Variants in KRT23 observed in about 807,000 individuals in gnomAD.
KRT23 encodes keratin 23.
Under a neutral mutation model 47.6 loss-of-function variants are expected in KRT23, and 38 were observed. That is an observed-to-expected ratio of 0.80 (90% CI 0.62 to 1.05). The LOEUF is 1.05. KRT23 is among the 50% of genes least tolerant of loss of function. The probability of loss-of-function intolerance (pLI) is 0.00; values close to 1 mark genes in which losing one functional copy is unlikely to be tolerated. For missense variants in KRT23, 503 were observed against 529.5 expected (o/e 0.95, Z 0.49); for synonymous variants, 191 against 199.0 (o/e 0.96, Z 0.34).
In KRT23 at chr17:40,922,793, C is replaced by G. The variant is rs1037413125; in HGVS notation, c.*196G>C. On this transcript the variant is annotated 3_prime_UTR_variant, in exon 9 of 9. Coordinates refer to ENST00000209718, the MANE Select transcript of KRT23 (RefSeq NM_015515.5). ...AAGTAGAGCTTTACCCTCATAAACTCGCACTTTGATTAGAAAAGTGCAATA... is the reference window on the plus strand; with the variant it reads ...AAGTAGAGCTTTACCCTCATAAACTGGCACTTTGATTAGAAAAGTGCAATA... 15 of 486,104 alleles carry G rather than the reference C, an allele frequency of 3.1e-5. No homozygotes were observed. In the Admixed American group the frequency reaches 5.6e-4, roughly 18 times the overall value. 30.1% of individuals were successfully genotyped at this position (486,104 alleles called of 1,614,324 possible).
rs541449842 is a variant in KRT23 at position 40,928,474 on chromosome 17, C to T, written c.770G>A (p.Arg257Gln). The change falls in exon 5 of 9, where the codon CGA becomes CAA. Residue 257 changes from arginine to glutamine, a missense_variant. By Grantham distance (43) the Arg-to-Gln change is conservative. Transcript: ENST00000209718. ...EYELIIKKKH[R>Q]DLDTWYKEQS... ...TTCTTTATACCAAGTGTCCAAGTCTCGATGCTTCTTCTTTATTATAAGCTC... is the reference window on the plus strand; with the variant it reads ...TTCTTTATACCAAGTGTCCAAGTCTTGATGCTTCTTCTTTATTATAAGCTC... 1.0e-4 allele frequency: 162 copies of T among 1,614,126 alleles called. 1 individual carries two copies. In the South Asian group the frequency reaches 1.7e-3, roughly 17 times the overall value.
intron 2 of KRT23, among the ~76,000 whole-genome samples, chr17:40,932,512 G>C (rs1909770024): frequency 6.6e-6 from 1 of 152,140 alleles, no homozygotes; most frequent in Non-Finnish European, 1.5e-5. Context: ...TTCTGGCTCT[G>C]TTCTTGACCA....
intron 6 of KRT23, among the ~76,000 whole-genome samples, chr17:40,927,032 A>G (rs1909265900): frequency 6.6e-6 from 1 of 152,104 alleles, no homozygotes; most frequent in Non-Finnish European, 1.5e-5. Context: ...CTCTTGGAAC[A>G]CATCCCATCA....
chr17:40,932,810 A>G (rs1909788522), intron 2 of KRT23, among the ~76,000 whole-genome samples: 1 of 152,238 alleles, frequency 6.6e-6, no homozygotes, highest in African/African-American at 2.4e-5. Flanking sequence ...ATTTGGTATC[A>G]TGAATGCACA....
chr17:40,937,587 G>A lies in KRT23; in HGVS notation c.-592C>T, dbSNP rs1910184117. ...ATGAATCTTATATTTCATCTGCCAA[G>A]GTAAAGGTTAGGAATGAATAAAGAA... On this transcript the variant is annotated 5_prime_UTR_variant, in exon 1 of 9. Coordinates refer to ENST00000209718, the MANE Select transcript of KRT23 (RefSeq NM_015515.5). 1 of 152,238 alleles carries A rather than the reference G, an allele frequency of 6.6e-6. No individual in the cohort carries two copies. The highest frequency in any genetic ancestry group is 2.4e-5 in the African/African-American group (1 of 41,456). 9.4% of individuals were successfully genotyped at this position (152,238 alleles called of 1,614,324 possible).
chr17:40,934,415 C>T (rs1234361564), intron 2 of KRT23, among the ~76,000 whole-genome samples: 1 of 152,188 alleles, frequency 6.6e-6, no homozygotes, highest in Middle Eastern at 3.2e-3. Flanking sequence ...GGGCAGGTTG[C>T]TCCCCACACC....
Position 40,936,823 on chromosome 17 carries a change from G to T in KRT23, c.-220C>A. 2.4e-6 allele frequency: 1 copy of T among 417,428 alleles called. No homozygotes were observed. 25.9% of individuals were successfully genotyped at this position (417,428 alleles called of 1,614,324 possible). A position where few individuals can be genotyped will look rare whatever the true frequency, so the allele number is the denominator to read the frequency against. On this transcript the variant is annotated 5_prime_UTR_variant, in exon 2 of 9. Transcript: ENST00000209718. ...CCTTCGCACACTGTTGTTGTTTAGA[G>T]CCACATCAATATGACAGTTTGCTTC...
At position 40,929,947 on chromosome 17, in the gene KRT23, T is replaced by C. The variant is rs563041037; in HGVS notation, c.629A>G (p.His210Arg). The change falls in exon 4 of 9, where the codon CAT (histidine) becomes CGT (arginine). Residue 210 changes from histidine to arginine, a missense_variant. By Grantham distance (29) the His-to-Arg change is conservative (BLOSUM62 0). Transcript: ENST00000209718. ...RKELILMKKH[H>R]EQEMEKHHVP... ...GTTCCTGGGGAGTTGTACCTGCTCA[T>C]GGTGCTTCTTCATGAGAATGAGCTC... 1 of 1,614,102 alleles carries C rather than the reference T, an allele frequency of 6.2e-7. No individual in the cohort carries two copies. Among genetic ancestry groups the C allele is most frequent in the African/African-American group, 1.3e-5 (1 of 75,058 alleles).
intron 6 of KRT23, among the ~76,000 whole-genome samples, chr17:40,927,670 G>T (rs927549519): frequency 5.3e-5 from 8 of 152,114 alleles, no homozygotes; most frequent in African/African-American, 1.9e-4. Flanking sequence ...GAAATGACTT[G>T]GACACAAGAA....
intron 4 of KRT23, among the ~76,000 whole-genome samples, chr17:40,929,417 A>G (rs1229701956): frequency 6.6e-6 from 1 of 152,248 alleles, no homozygotes; most frequent in South Asian, 2.1e-4. Flanking sequence ...TGATGTTGAG[A>G]AGCAATTTTG....
chr17:40,929,103 G>A (rs534703940), intron 4 of KRT23, among the ~76,000 whole-genome samples: 21 of 151,484 alleles, frequency 1.4e-4, no homozygotes, highest in African/African-American at 4.8e-4. Context: ...GACTTGATCC[G>A]TGGTTGAAAA....
At chr17:40,935,437 T>C (rs530231398) in intron 2 of KRT23, among the ~76,000 whole-genome samples, 1 of 152,306 alleles carries the variant, frequency 6.6e-6, no homozygotes, top group East Asian at 1.9e-4. Context: ...TTCTAGCTAA[T>C]GTTATGAGAC....
At chr17:40,928,130 G>A (rs893458885) in intron 6 of KRT23, 108 bp downstream of exon 6, 1 of 1,374,616 alleles carries the variant, frequency 7.3e-7, no homozygotes, top group East Asian at 2.3e-5. Flanking sequence ...AAAGTGGAAA[G>A]TGAGAGTTGT....
At chr17:40,926,656 C>T (rs566691890) in intron 6 of KRT23, among the ~76,000 whole-genome samples, 131 of 152,322 alleles carry the variant, frequency 8.6e-4, no homozygotes, top group African/African-American at 2.9e-3. Context: ...ATTATTCCCA[C>T]CAGCTTTCAA....
chr17:40,928,803 T>C (rs1252877526), intron 4 of KRT23, 196 bp from the exon 5 acceptor site: 5 of 533,642 alleles, frequency 9.4e-6, no homozygotes, highest in Non-Finnish European at 1.6e-5. Context: ...CTAATAATTT[T>C]ATAAAATAAA....
At chr17:40,934,091 T>C (rs1000453958) in intron 2 of KRT23, among the ~76,000 whole-genome samples, 2 of 152,232 alleles carry the variant, frequency 1.3e-5, no homozygotes, top group East Asian at 3.8e-4. Context: ...GCTCAACTTG[T>C]TATCAACCTT....
rs1342737717 is a variant in KRT23, at chr17:40,931,454, A to C, written c.398T>G (p.Ile133Arg). 8 of 1,612,450 alleles carry C rather than the reference A, an allele frequency of 5.0e-6. No individual in the cohort carries two copies. The highest frequency in any genetic ancestry group is 1.7e-5 in the Admixed American group (1 of 60,010). ...EENITHLQEQ[I>R]VDGKMTNAQI... ...AGCATTGGTCATCTTACCATCCACT[A>C]TCTGTAAAACATGCACAAAAGCACA... The change falls in exon 3 of 9, where the codon ATA (isoleucine) becomes AGA (arginine). Residue 133 changes from isoleucine to arginine, a missense_variant and splice_region_variant. Transcript: ENST00000209718.
chr17:40,924,017 T>C (rs1909078443), intron 8 of KRT23, among the ~76,000 whole-genome samples: 1 of 152,234 alleles, frequency 6.6e-6, no homozygotes, highest in African/African-American at 2.4e-5. Flanking sequence ...GTTCCATCTT[T>C]AATACACTGA....
chr17:40,930,219 T>C, intron 3 of KRT23, 123 bp from the exon 4 acceptor site: 2 of 800,898 alleles, frequency 2.5e-6, no homozygotes, highest in South Asian at 2.0e-5. Context: ...AATGAATACA[T>C]ATAGGATGTC....
Sources: allele counts gnomAD v4.1 joint callset (sites outside exome capture counted in the v4.1 genomes callset), GRCh38; gene constraint gnomAD v4.1.1; transcripts MANE v1.5; gene names NCBI Gene and HGNC (gene_info 2026-07-23, HGNC 2026-07-21).